The following KCNK9 variants were observed in gnomAD, a reference collection of about 807,000 sequenced individuals.
KCNK9 encodes potassium channel subfamily K member 9.
KCNK9 carries 1 observed loss-of-function variant against 10.8 expected under a neutral mutation model. That is an observed-to-expected ratio of 0.09 (90% CI 0.03 to 0.44). The LOEUF (loss-of-function observed/expected upper bound fraction) is 0.44. Among genes scored for constraint, KCNK9 ranks in the 20% least tolerant of loss-of-function variants. The pLI is 0.97. For missense variants in KCNK9, 303 were observed against 515.0 expected (o/e 0.59, Z 3.98); for synonymous variants, 231 against 222.7 (o/e 1.04, Z -0.33).
chr8:139,664,306 G>C (rs1028103371), intron 1 of KCNK9, among the ~76,000 whole-genome samples: 3 of 152,152 alleles, frequency 2.0e-5, no homozygotes, highest in Non-Finnish European at 4.4e-5. Context: ...AAACCCTGCT[G>C]GTTCCACTCT....
chr8:139,680,173 G>C (rs1816656637), intron 1 of KCNK9, among the ~76,000 whole-genome samples: 1 of 152,236 alleles, frequency 6.6e-6, no homozygotes, highest in Non-Finnish European at 1.5e-5. Context: ...CCCAGAGCCA[G>C]CCAAGCGCGG....
At chr8:139,654,161 A>G (rs1175142484) in intron 1 of KCNK9, among the ~76,000 whole-genome samples, 1 of 152,216 alleles carries the variant, frequency 6.6e-6, no homozygotes, top group Non-Finnish European at 1.5e-5. Context: ...AAGACTAAGA[A>G]TCACTGAGGA....
chr8:139,677,683 A>AAC (rs1563747640), intron 1 of KCNK9, among the ~76,000 whole-genome samples: 1 of 150,694 alleles, frequency 6.6e-6, no homozygotes, highest in African/African-American at 2.5e-5. Flanking sequence ...GTCCCAGCCC[A>AAC]GTGGGTTCCC....
intron 1 of KCNK9, among the ~76,000 whole-genome samples, chr8:139,636,671 T>C (rs1270194870): frequency 6.6e-6 from 1 of 152,200 alleles, no homozygotes; most frequent in Non-Finnish European, 1.5e-5. Flanking sequence ...GGCAAAACCA[T>C]CAAATCAACT....
intron 1 of KCNK9, among the ~76,000 whole-genome samples, chr8:139,694,802 G>A (rs577960746): frequency 8.7e-4 from 131 of 151,146 alleles, no homozygotes; most frequent in African/African-American, 3.0e-3. Flanking sequence ...GGATGAGGAT[G>A]GCTCAGGGCA....
chr8:139,673,481 G>T (rs546867417), intron 1 of KCNK9, among the ~76,000 whole-genome samples: 1 of 152,288 alleles, frequency 6.6e-6, no homozygotes, highest in South Asian at 2.1e-4. Flanking sequence ...GTGGGGATGC[G>T]TGCAGCCCAC....
chr8:139,630,155 T>C (rs1477843709), intron 1 of KCNK9, among the ~76,000 whole-genome samples: 1 of 152,124 alleles, frequency 6.6e-6, no homozygotes, highest in Non-Finnish European at 1.5e-5. Flanking sequence ...TTGTACAACA[T>C]TGCACTAAAT....
chr8:139,652,754 A>G (rs2129679496), intron 1 of KCNK9, among the ~76,000 whole-genome samples: 1 of 152,338 alleles, frequency 6.6e-6, no homozygotes, highest in South Asian at 2.1e-4. Flanking sequence ...AGCACTGTGC[A>G]GCCAAACGCT....
At chr8:139,655,031 G>T (rs1815981528) in intron 1 of KCNK9, among the ~76,000 whole-genome samples, 1 of 152,140 alleles carries the variant, frequency 6.6e-6, no homozygotes, top group African/African-American at 2.4e-5. Flanking sequence ...ATGGCGGGGG[G>T]CGGGCGCTGG....
intron 1 of KCNK9, among the ~76,000 whole-genome samples, chr8:139,679,730 A>G (rs570333839): frequency 2.0e-5 from 3 of 152,276 alleles, no homozygotes; most frequent in African/African-American, 7.2e-5. Flanking sequence ...CCCAGGTTCT[A>G]CCTTCACGGA....
chr8:139,646,558 T>C (rs3780051), intron 1 of KCNK9, among the ~76,000 whole-genome samples: 61,304 of 152,144 alleles, frequency 0.4, 15,426 homozygotes, highest in South Asian at 0.59. Flanking sequence ...AAGCAGTCTC[T>C]TACACAGTGC....
chr8:139,634,555 G>C (rs1815278369), intron 1 of KCNK9, among the ~76,000 whole-genome samples: 1 of 152,156 alleles, frequency 6.6e-6, no homozygotes, highest in African/African-American at 2.4e-5. Flanking sequence ...AAGCTGCCTG[G>C]ATTCTCCATG....
intron 1 of KCNK9, among the ~76,000 whole-genome samples, chr8:139,699,179 G>A (rs1476932251): frequency 6.6e-6 from 1 of 152,212 alleles, no homozygotes; most frequent in Non-Finnish European, 1.5e-5. Flanking sequence ...TCCTGAAGGT[G>A]ATAACAGCTC....
rs572702324 is a variant in KCNK9, at chr8:139,665,030, C to T, written c.283+37680G>A. Among the ~76,000 whole-genome samples the T allele has an allele frequency of 4.6e-5, 7 of 152,328 alleles. No homozygotes were observed. In the East Asian group the frequency reaches 1.2e-3, roughly 25 times the overall value. The stretch of plus-strand genomic sequence containing the variant: ...TAATTCTACACAAGGTAACCAGGCC[C>T]AGGCGGCCACACAGCCATTGCTACT... On this transcript the variant is annotated intron_variant, in intron 1 of 1. Coordinates refer to ENST00000520439, the MANE Select transcript of KCNK9 (RefSeq NM_001282534.2).
At chr8:139,691,322 C>T (rs1297799403) in intron 1 of KCNK9, among the ~76,000 whole-genome samples, 1 of 152,232 alleles carries the variant, frequency 6.6e-6, no homozygotes, top group Non-Finnish European at 1.5e-5. Context: ...TGAGCTTGTC[C>T]CAGCTGCCTT....
chr8:139,649,135 AC>A (rs1265761545), intron 1 of KCNK9, among the ~76,000 whole-genome samples: 1 of 152,170 alleles, frequency 6.6e-6, no homozygotes, highest in Non-Finnish European at 1.5e-5. Flanking sequence ...TATCTCAGGA[AC>A]TTCAACTACA....
intron 1 of KCNK9, among the ~76,000 whole-genome samples, chr8:139,676,331 C>G (rs1006101112): frequency 9.2e-5 from 14 of 152,246 alleles, no homozygotes; most frequent in African/African-American, 3.1e-4. Flanking sequence ...TCTGGGCCAT[C>G]ATTAGCTGGC....
At chr8:139,671,665 G>A (rs898934118) in intron 1 of KCNK9, among the ~76,000 whole-genome samples, 3 of 152,114 alleles carry the variant, frequency 2.0e-5, no homozygotes, top group South Asian at 2.1e-4. Flanking sequence ...TTATAGGCAC[G>A]TGTTCACCAC....
chr8:139,696,733 AGATGAGTGGGTG>A (rs1817062523), intron 1 of KCNK9, among the ~76,000 whole-genome samples: 1 of 144,254 alleles, frequency 6.9e-6, no homozygotes. Context: ...GTGGGTGAAT[AGATGAGTGGGTG>A]GATGGATGGA....
Sources: gnomAD v4.1 joint callset for allele counts (sites outside exome capture counted in the v4.1 genomes callset) on GRCh38, gnomAD v4.1.1 for gene constraint, MANE v1.5 for transcripts, NCBI Gene and HGNC (gene_info 2026-07-23, HGNC 2026-07-21) for gene names.